The following MORN5 variants were observed in gnomAD, a reference collection of about 807,000 sequenced individuals.
MORN5 encodes MORN repeat containing 5, also known as MORN repeat-containing protein 5.
A neutral mutation model predicts 22.1 loss-of-function variants in MORN5; 21 were observed. The observed-to-expected ratio is 0.95, with a 90% CI of 0.67 to 1.37. The LOEUF (loss-of-function observed/expected upper bound fraction) is 1.37, where lower values mean the gene tolerates loss of function less well. Among genes scored for constraint, MORN5 ranks in the 40% most tolerant of loss-of-function variants. The pLI is 0.00. For synonymous variants in MORN5, 73 were observed against 74.0 expected, an observed-to-expected ratio of 0.99 and a Z score of 0.07; for missense variants, 211 against 215.1, an observed-to-expected ratio of 0.98 and a Z score of 0.12.
At chr9:122,164,763 A>AC in intron 1 of MORN5, 1 of 262,494 alleles carries the variant, frequency 3.8e-6, no homozygotes, top group Non-Finnish European at 5.9e-6. Flanking sequence ...GAAGGAGAAG[A>AC]GGAATTCTCC....
intron 4 of MORN5, among the ~76,000 whole-genome samples, chr9:122,181,617 A>G (rs572955415): frequency 6.6e-6 from 1 of 152,146 alleles, no homozygotes; most frequent in Non-Finnish European, 1.5e-5. Flanking sequence ...GAGGCTGGGG[A>G]GCTGAGAGAG....
At chr9:122,175,514 G>A (rs960113456) in intron 4 of MORN5, 1 of 985,174 alleles carries the variant, frequency 1.0e-6, no homozygotes, top group Admixed American at 6.2e-5. Flanking sequence ...CTTTTCTGAA[G>A]TCACACTCCC....
At position 122,200,065 on chromosome 9, in the gene MORN5, TA is replaced by T. The variant is rs1388655369; in HGVS notation, c.*137del. Reference sequence around the variant, plus strand: ...CTAGAACCTGATTTTAACTCAGGAATAAAGACTTTCTGCGGTCAGTGGCCCC... The same window carrying T: ...CTAGAACCTGATTTTAACTCAGGAATAAGACTTTCTGCGGTCAGTGGCCCC... On this transcript the variant is annotated 3_prime_UTR_variant, in exon 5 of 5. Coordinates refer to ENST00000373764, the MANE Select transcript of MORN5 (RefSeq NM_198469.4). 2.5e-5 allele frequency: 21 copies of T among 833,030 alleles called. No individual in the cohort carries two copies. The highest frequency in any genetic ancestry group is 1.5e-4 in the African/African-American group (9 of 58,722). 51.6% of individuals were successfully genotyped at this position (833,030 alleles called of 1,614,324 possible). A position where few individuals can be genotyped will look rare whatever the true frequency, so the allele number is the denominator to read the frequency against.
chr9:122,166,377 G>T (rs2118741363), intron 1 of MORN5, among the ~76,000 whole-genome samples: 1 of 151,998 alleles, frequency 6.6e-6, no homozygotes, highest in Non-Finnish European at 1.5e-5. Flanking sequence ...AATAGGCAAG[G>T]ATGGGTTGGT....
chr9:122,197,580 A>G lies in MORN5; in HGVS notation c.440-2305A>G, dbSNP rs1829921632. 6.6e-6 allele frequency among the ~76,000 whole-genome samples: 1 copy of G among 152,148 alleles called. No individual in the cohort carries two copies. The highest frequency in any genetic ancestry group is 1.5e-5 in the Non-Finnish European group (1 of 68,020). On this transcript the variant is annotated intron_variant, in intron 4 of 4. Coordinates refer to ENST00000373764, the MANE Select transcript of MORN5 (RefSeq NM_198469.4). This position sits in a 1 kb window ranked among gnomAD's most constrained non-coding sequence, Gnocchi z 5.7. Reference sequence around the variant, plus strand: ...GGGAGGGGAGGCATCTGTGATTCAAATTGGTGGCTGTACAGCCAGGTAGAG... The same window carrying G: ...GGGAGGGGAGGCATCTGTGATTCAAGTTGGTGGCTGTACAGCCAGGTAGAG...
chr9:122,169,067 G>A (rs1829329309), intron 2 of MORN5, among the ~76,000 whole-genome samples: 1 of 152,146 alleles, frequency 6.6e-6, no homozygotes, highest in Admixed American at 6.5e-5. Context: ...GCAGAGACAG[G>A]GAATTGGCGC....
At chr9:122,164,429 T>G (rs1453453640) in intron 1 of MORN5, 2 of 218,396 alleles carry the variant, frequency 9.2e-6, no homozygotes, top group African/African-American at 4.7e-5. Context: ...GGGATTTTAC[T>G]GCCAGGAGTT....
chr9:122,166,690 C>T (rs1003257123), intron 1 of MORN5, 78 bp from the exon 2 acceptor site: 4 of 1,348,036 alleles, frequency 3.0e-6, no homozygotes, highest in Non-Finnish European at 4.1e-6. Flanking sequence ...GAACGGGGTT[C>T]CTGCTCACTC....
chr9:122,189,199 A>G (rs1588313289), intron 4 of MORN5, among the ~76,000 whole-genome samples: 1 of 143,084 alleles, frequency 7.0e-6, no homozygotes, highest in South Asian at 2.2e-4. Flanking sequence ...CATCTGGAGG[A>G]AAAAAAAAAA....
rs1019106439 is a variant in MORN5 at position 122,197,659 on chromosome 9, G to A, written c.440-2226G>A. On this transcript the variant is annotated intron_variant, in intron 4 of 4. Transcript: ENST00000373764. The surrounding 1 kb of genome is among the most constrained non-coding windows in gnomAD (Gnocchi z 5.7). Reference sequence around the variant, plus strand: ...AAGTCCATTGCTGTCAATTTTTAACGATCAGGGAGGGGCCTGAGGACTGGT... The same window carrying A: ...AAGTCCATTGCTGTCAATTTTTAACAATCAGGGAGGGGCCTGAGGACTGGT... Among the ~76,000 whole-genome samples, 3 of 152,158 alleles carry A rather than the reference G, an allele frequency of 2.0e-5. No individual in the cohort carries two copies. Among genetic ancestry groups the A allele is most frequent in the East Asian group, 1.9e-4 (1 of 5,186 alleles).
intron 4 of MORN5, among the ~76,000 whole-genome samples, chr9:122,199,482 G>T (rs933580642): frequency 1.3e-5 from 2 of 152,162 alleles, no homozygotes; most frequent in African/African-American, 2.4e-5. Flanking sequence ...GCCTAGAAAG[G>T]AAATGAAGAT....
intron 1 of MORN5, chr9:122,164,562 G>T: frequency 1.0e-6 from 1 of 985,448 alleles, no homozygotes; most frequent in Non-Finnish European, 1.2e-6. Context: ...CTAAGGAGGT[G>T]CTGCTTAGGG....
intron 4 of MORN5, among the ~76,000 whole-genome samples, chr9:122,199,362 A>G (rs1336915948): frequency 6.6e-6 from 1 of 152,218 alleles, no homozygotes; most frequent in Non-Finnish European, 1.5e-5. Context: ...TTTCAGGCAC[A>G]GCGGCGAGCT....
intron 3 of MORN5, among the ~76,000 whole-genome samples, chr9:122,171,890 C>A (rs566396908): frequency 1.3e-5 from 2 of 151,742 alleles, no homozygotes; most frequent in Non-Finnish European, 2.9e-5. Flanking sequence ...GACCTGACTC[C>A]GGAGATCCCC....
chr9:122,172,547 C>T (rs989493457), intron 3 of MORN5, among the ~76,000 whole-genome samples: 2 of 152,170 alleles, frequency 1.3e-5, no homozygotes, highest in Non-Finnish European at 2.9e-5. Flanking sequence ...AACTCCTTCC[C>T]GTACTTCAGT....
Position 122,179,148 on chromosome 9 carries a change from C to T in MORN5, c.439+4521C>T, listed in dbSNP as rs538383359. Among the ~76,000 whole-genome samples the T allele has an allele frequency of 2.6e-5, 4 of 152,208 alleles. No individual in the cohort carries two copies. The South Asian group carries it at 6.2e-4, about 24-fold the overall frequency. On this transcript the variant is annotated intron_variant, in intron 4 of 4. Coordinates refer to ENST00000373764, the MANE Select transcript of MORN5 (RefSeq NM_198469.4). The stretch of plus-strand genomic sequence containing the variant: ...GGGGACAGCATGTGCAAAAGGATTA[C>T]AGTTGGGAGAAGACATGTCATAAAT...
chr9:122,189,151 C>T (rs368848026), intron 4 of MORN5, among the ~76,000 whole-genome samples: 12 of 151,418 alleles, frequency 7.9e-5, no homozygotes, highest in African/African-American at 2.2e-4. Context: ...GCCAAGATCA[C>T]GCCACTGCAC....
At chr9:122,164,340 C>T (rs112514116) in intron 1 of MORN5, among the ~76,000 whole-genome samples, 140 of 152,116 alleles carry the variant, frequency 9.2e-4, no homozygotes, top group African/African-American at 3.2e-3. Context: ...TGCAGTTGTC[C>T]CAGTAAGAGG....
intron 4 of MORN5, among the ~76,000 whole-genome samples, chr9:122,190,499 G>A (rs1829738816): frequency 6.6e-6 from 1 of 152,234 alleles, no homozygotes; most frequent in African/African-American, 2.4e-5. Flanking sequence ...AAGTCTGAAT[G>A]CATTAATTAT....
Sources: allele counts gnomAD v4.1 joint callset (sites outside exome capture counted in the v4.1 genomes callset), GRCh38; gene constraint gnomAD v4.1.1; non-coding constraint Gnocchi (gnomAD v3.1); transcripts MANE v1.5; gene names NCBI Gene and HGNC (gene_info 2026-07-23, HGNC 2026-07-21).